TENM2: variants seen among roughly 807,000 people sequenced by gnomAD.
The protein encoded by TENM2 is teneurin transmembrane protein 2.
In TENM2, 52 loss-of-function variants were observed where a neutral mutation model predicts 245.2. The ratio of observed to expected loss-of-function variants is 0.21; its 90% confidence interval spans 0.17 to 0.27. TENM2 has a LOEUF of 0.27. Ranked by LOEUF, TENM2 falls within the 10% of genes least tolerant of loss-of-function variation. The pLI, the probability that TENM2 is intolerant of heterozygous loss-of-function variation, is 1.00. For synonymous variants in TENM2, 1,363 were observed against 1,438.9 expected, an observed-to-expected ratio of 0.95 and a Z score of 1.19; for missense variants, 3,046 against 3,666.8, an observed-to-expected ratio of 0.83 and a Z score of 4.37.
At chr5:167,433,998 C>A (rs1212454179) in intron 2 of TENM2, among the ~76,000 whole-genome samples, 5 of 151,994 alleles carry the variant, frequency 3.3e-5, no homozygotes, top group African/African-American at 7.2e-5. Context: ...GATCCTTTAG[C>A]TTCTACAAAA....
intron 8 of TENM2, among the ~76,000 whole-genome samples, chr5:168,096,204 T>G (rs1430258413): frequency 6.6e-6 from 1 of 152,216 alleles, no homozygotes. Context: ...AGTCAATGCC[T>G]GTGCTCTCAA....
intron 2 of TENM2, among the ~76,000 whole-genome samples, chr5:167,437,899 T>G (rs1764657132): frequency 6.6e-6 from 1 of 152,192 alleles, no homozygotes; most frequent in African/African-American, 2.4e-5. Flanking sequence ...CCTCTTTCTT[T>G]TGTAAATTAC....
At chr5:167,135,477 C>G in the TENM2 span, among the ~76,000 whole-genome samples, 1 of 152,040 alleles carries the variant, frequency 6.6e-6, no homozygotes, top group Admixed American at 6.6e-5. Flanking sequence ...TCTTAAAAAA[C>G]AAAAAGTGGC....
chr5:167,094,274 A>G, the TENM2 span, among the ~76,000 whole-genome samples: 1 of 152,174 alleles, frequency 6.6e-6, no homozygotes, highest in Non-Finnish European at 1.5e-5. Context: ...TGAAACCATC[A>G]TCATAATAAA....
At chr5:167,853,304 AAAAAAAAAG>A (rs1253920264) in intron 2 of TENM2, among the ~76,000 whole-genome samples, 4 of 140,778 alleles carry the variant, frequency 2.8e-5, no homozygotes, top group African/African-American at 5.1e-5. Flanking sequence ...AAAAAAAAAA[AAAAAAAAAG>A]AAAGTGATCG....
At chr5:167,995,140 G>A (rs1242986920) in intron 5 of TENM2, among the ~76,000 whole-genome samples, 4 of 152,098 alleles carry the variant, frequency 2.6e-5, no homozygotes, top group African/African-American at 4.8e-5. Flanking sequence ...TGCCAATACC[G>A]TCCCAGTGCG....
chr5:167,978,425 A>G (rs1782598051), intron 4 of TENM2, among the ~76,000 whole-genome samples: 1 of 152,194 alleles, frequency 6.6e-6, no homozygotes, highest in Admixed American at 6.5e-5. Context: ...ACTCACACAA[A>G]AGGAAATAGT....
chr5:167,520,846 A>G (rs904241388), intron 2 of TENM2, among the ~76,000 whole-genome samples: 4 of 150,966 alleles, frequency 2.6e-5, no homozygotes, highest in Admixed American at 6.6e-5. Context: ...TTCAGCTCCA[A>G]TTTTTAACGA....
In TENM2 at chr5:168,261,066, C is replaced by A. The variant is rs552913411; in HGVS notation, c.7563+653C>A. ...TCCAGATTGTGTAACTATAGAGAGG[C>A]AAGGAGGAGCTGCTGGGTAATTGAG... On this transcript the variant is annotated intron_variant, in intron 28 of 28. Transcript: ENST00000518659. Among the ~76,000 whole-genome samples the A allele has an allele frequency of 7.2e-5, 11 of 152,236 alleles. No homozygotes were observed. In the East Asian group the frequency reaches 1.9e-3, roughly 27 times the overall value.
chr5:167,224,006 T>A, the TENM2 span, among the ~76,000 whole-genome samples: 1 of 152,212 alleles, frequency 6.6e-6, no homozygotes, highest in Non-Finnish European at 1.5e-5. Flanking sequence ...GAAATGTCTA[T>A]CATGTTCTTT....
chr5:167,902,139 G>T (rs961548624), intron 3 of TENM2, among the ~76,000 whole-genome samples: 3 of 152,088 alleles, frequency 2.0e-5, no homozygotes, highest in South Asian at 2.1e-4. Context: ...TTAGGAGCAG[G>T]TTCTGGGTGT....
At chr5:167,711,696 A>G (rs560536761) in intron 2 of TENM2, among the ~76,000 whole-genome samples, 4 of 152,188 alleles carry the variant, frequency 2.6e-5, no homozygotes, top group East Asian at 1.9e-4. Flanking sequence ...TTCTTCTCCC[A>G]TCAGTCCCCC....
At chr5:167,618,445 T>C (rs1039899648) in intron 2 of TENM2, among the ~76,000 whole-genome samples, 1 of 152,124 alleles carries the variant, frequency 6.6e-6, no homozygotes, top group African/African-American at 2.4e-5. Context: ...GGCTTCTTCC[T>C]GGACCTGCTT....
chr5:167,911,772 C>T (rs1476995805), intron 3 of TENM2, among the ~76,000 whole-genome samples: 1 of 152,168 alleles, frequency 6.6e-6, no homozygotes, highest in Non-Finnish European at 1.5e-5. Flanking sequence ...CCTCCAAGGG[C>T]ACTACCAGAC....
intron 2 of TENM2, among the ~76,000 whole-genome samples, chr5:167,687,414 A>T (rs954018765): frequency 1.3e-5 from 2 of 152,174 alleles, no homozygotes; most frequent in African/African-American, 4.8e-5. Context: ...TCAAGTAGAG[A>T]AAGGTGAAAT....
chr5:167,522,757 G>A (rs1770847778), intron 2 of TENM2, among the ~76,000 whole-genome samples: 1 of 151,826 alleles, frequency 6.6e-6, no homozygotes. Flanking sequence ...GGAGATGGTA[G>A]CTATTAATAT....
chr5:167,162,833 T>G, the TENM2 span, among the ~76,000 whole-genome samples: 19 of 152,318 alleles, frequency 1.2e-4, no homozygotes, highest in African/African-American at 4.6e-4. Context: ...GGTTTCAGCT[T>G]TTTCTTGCCA....
intron 2 of TENM2, among the ~76,000 whole-genome samples, chr5:167,598,568 G>C (rs559798770): frequency 6.6e-6 from 1 of 152,182 alleles, no homozygotes; most frequent in African/African-American, 2.4e-5. Context: ...GCTTTATTAC[G>C]TGGGTGACCC....
At chr5:167,327,168 C>T (rs1757137768) in intron 1 of TENM2, among the ~76,000 whole-genome samples, 2 of 152,150 alleles carry the variant, frequency 1.3e-5, no homozygotes, top group South Asian at 4.2e-4. Context: ...AATGCTATCC[C>T]TCCCCGCTCC....
Sources: gnomAD v4.1 joint callset for allele counts (sites outside exome capture counted in the v4.1 genomes callset) on GRCh38, gnomAD v4.1.1 for gene constraint, MANE v1.5 for transcripts, NCBI Gene and HGNC (gene_info 2026-07-23, HGNC 2026-07-21) for gene names.